The following FOXC1 variants were observed in gnomAD, a reference collection of about 807,000 sequenced individuals.
FOXC1 encodes forkhead box C1.
In FOXC1, 5 loss-of-function variants were observed where a neutral mutation model predicts 8.1. The observed-to-expected ratio is 0.62, with a 90% CI of 0.32 to 1.30. FOXC1 has a LOEUF of 1.30. Among genes scored for constraint, FOXC1 ranks in the 50% most tolerant of loss-of-function variants. The pLI is 0.05. For missense variants in FOXC1, 942 were observed against 858.0 expected, an observed-to-expected ratio of 1.10 and a Z score of -1.22; for synonymous variants, 552 against 417.2, an observed-to-expected ratio of 1.32 and a Z score of -3.94.
rs985824070 is a variant in FOXC1, at chr6:1,611,804, C to T, written c.1359C>T (p.Gly453=). 6 of 1,458,732 alleles carry T rather than the reference C, an allele frequency of 4.1e-6. No homozygotes were observed. The highest frequency in any genetic ancestry group is 3.0e-5 in the African/African-American group (2 of 67,422). The allele number at this position is 1,458,732 out of a possible 1,614,324, so 90.4% of individuals were successfully genotyped here. A position where few individuals can be genotyped will look rare whatever the true frequency, so the allele number is the denominator to read the frequency against. Reference sequence around the variant, plus strand: ...GTCACGGCGGCGGCGGCGGCGGCGGCGGGGGAGGCCAGGAGGCCGGCCACC... The same window carrying T: ...GTCACGGCGGCGGCGGCGGCGGCGGTGGGGGAGGCCAGGAGGCCGGCCACC... ...SLSHGGGGGG[G]GGGQEAGHHP... is the part of the protein sequence containing the mutation. Residue 453 remains glycine (G), a synonymous_variant, in exon 1 of 1, where the codon GGC becomes GGT. Coordinates refer to ENST00000645831, the MANE Select transcript of FOXC1 (RefSeq NM_001453.3). This position sits in a 1 kb window ranked among gnomAD's most constrained non-coding sequence, Gnocchi z 7.1.
At position 1,612,273 on chromosome 6, in the gene FOXC1, C is replaced by T. The variant is rs1156876480; in HGVS notation, c.*166C>T. 1 of 1,027,224 alleles carries T rather than the reference C, an allele frequency of 9.7e-7. No homozygotes were observed. The highest frequency in any genetic ancestry group is 1.4e-6 in the Non-Finnish European group (1 of 699,384). 63.6% of individuals were successfully genotyped at this position (1,027,224 alleles called of 1,614,324 possible). On this transcript the variant is annotated 3_prime_UTR_variant, in exon 1 of 1. Transcript: ENST00000645831. The stretch of plus-strand genomic sequence containing the variant: ...TCCCTCCAAAAATTCAGCTCACCAG[C>T]ACCAGCACGAAGAAAACTCTATTTT...
In FOXC1 at chr6:1,611,448, T is replaced by G. The variant is rs777196009; in HGVS notation, c.1003T>G (p.Ser335Ala). Residue 335 changes from serine (S) to alanine (A), a missense_variant, in exon 1 of 1, where the codon TCG (serine) becomes GCG (alanine). Transcript: ENST00000645831. The surrounding 1 kb of genome is among the most constrained non-coding windows in gnomAD (Gnocchi z 7.1). ...AAELSSGLLA[S>A]AAASSRAGIA... ...GGAGCTCAGCTCCGGCCTTCTGGCC[T>G]CGGCGGCCGCGTCCTCGCGCGCGGG... The G allele has an allele frequency of 4.3e-6, 6 of 1,388,470 alleles. No homozygotes were observed. The highest frequency in any genetic ancestry group is 5.6e-6 in the Non-Finnish European group (6 of 1,070,958). 86.0% of individuals were successfully genotyped at this position (1,388,470 alleles called of 1,614,324 possible).
Position 1,611,906 on chromosome 6 carries a change from C to CGCGGCG in FOXC1, c.1476_1481dup (p.Ala494_Ala495dup), listed in dbSNP as rs747574884. 1.8e-5 allele frequency: 27 copies of CGCGGCG among 1,536,662 alleles called. No homozygotes were observed. Among genetic ancestry groups the CGCGGCG allele is most frequent in the South Asian group, 4.8e-5 (4 of 83,546 alleles). The stretch of plus-strand genomic sequence containing the variant: ...GCGGAGACCTGGGCCACTTGGCGAG[C>CGCGGCG]GCGGCGGCGGCGGCGGCGGCCGCAG... On this transcript the variant is annotated inframe_insertion, in exon 1 of 1. Coordinates refer to ENST00000645831, the MANE Select transcript of FOXC1 (RefSeq NM_001453.3). The surrounding 1 kb of genome is among the most constrained non-coding windows in gnomAD (Gnocchi z 7.1).
chr6:1,612,164 C>T lies in FOXC1; in HGVS notation c.*57C>T, dbSNP rs534974179. On this transcript the variant is annotated 3_prime_UTR_variant, in exon 1 of 1. Coordinates refer to ENST00000645831, the MANE Select transcript of FOXC1 (RefSeq NM_001453.3). ...CAAAGCAGGAAAAGCTAAAGGAACC[C>T]ATCAAGGCAAAATCGAAACTAAAAA... 3.1e-6 allele frequency: 5 copies of T among 1,610,168 alleles called. No homozygotes were observed. In the East Asian group the frequency reaches 8.9e-5, roughly 29 times the overall value.
rs201266312 is a variant in FOXC1, at chr6:1,612,044, C to T, written c.1599C>T (p.Phe533=). The change falls in exon 1 of 1, where the codon TTC becomes TTT. Residue 533 remains phenylalanine (F), a synonymous_variant. Transcript: ENST00000645831. Reference sequence around the variant, plus strand: ...GGAATAGTAGCTGTCAAATGGCCTTCCCTTCCAGCCAGTCTCTGTACCGCA... The same window carrying T: ...GGAATAGTAGCTGTCAAATGGCCTTTCCTTCCAGCCAGTCTCTGTACCGCA... ...VNGNSSCQMA[F]PSSQSLYRTS... is the part of the protein sequence containing the mutation. 6 of 1,613,848 alleles carry T rather than the reference C, an allele frequency of 3.7e-6. No individual in the cohort carries two copies. The highest frequency in any genetic ancestry group is 4.5e-5 in the East Asian group (2 of 44,882).
Position 1,612,417 on chromosome 6 carries a change from TA to T in FOXC1, c.*312del. ...TATTAAAGGACAGTGTTACTCCAGATAACACGTAAGTTTCTTCTTGCTTTTC... is the reference window on the plus strand; with the variant it reads ...TATTAAAGGACAGTGTTACTCCAGATACACGTAAGTTTCTTCTTGCTTTTC... On this transcript the variant is annotated 3_prime_UTR_variant, in exon 1 of 1. Transcript: ENST00000645831. 2.0e-6 allele frequency: 1 copy of T among 504,206 alleles called. No individual in the cohort carries two copies. The highest frequency in any genetic ancestry group is 5.4e-4 in the Middle Eastern group (1 of 1,848). The allele number at this position is 504,206 out of a possible 1,614,324, so 31.2% of individuals were successfully genotyped here.
Position 1,609,919 on chromosome 6 carries a change from A to G in FOXC1, c.-527A>G, listed in dbSNP as rs1357535457. 6.6e-6 allele frequency: 1 copy of G among 151,634 alleles called. No individual in the cohort carries two copies. Among genetic ancestry groups the G allele is most frequent in the African/African-American group, 2.4e-5 (1 of 41,280 alleles). The allele number at this position is 151,634 out of a possible 1,614,324, so 9.4% of individuals were successfully genotyped here. On this transcript the variant is annotated 5_prime_UTR_variant, in exon 1 of 1. Coordinates refer to ENST00000645831, the MANE Select transcript of FOXC1 (RefSeq NM_001453.3). ...GTCCTCGCCTGGGTGACGGATGCTC[A>G]AAAGTTCAGAAGTTTTCCCAATGCT...
Position 1,611,915 on chromosome 6 carries a change from G to A in FOXC1, c.1470G>A (p.Ala490=). The A allele has an allele frequency of 6.4e-7, 1 of 1,553,806 alleles. No individual in the cohort carries two copies. The highest frequency in any genetic ancestry group is 2.4e-5 in the East Asian group (1 of 41,228). ...GDLGHLASAA[A]AAAAAGYPGQ... ...TGGGCCACTTGGCGAGCGCGGCGGC[G>A]GCGGCGGCGGCCGCAGGCTACCCGG... is the stretch of plus-strand genomic sequence containing the variant. Residue 490 remains alanine (A), a synonymous_variant, in exon 1 of 1, where the codon GCG becomes GCA. Coordinates refer to ENST00000645831, the MANE Select transcript of FOXC1 (RefSeq NM_001453.3). This position sits in a 1 kb window ranked among gnomAD's most constrained non-coding sequence, Gnocchi z 7.1.
rs1561676011 is a variant in FOXC1, at chr6:1,611,795, C to CGGG, written c.1352_1353insGGG (p.Gly456dup). 6.8e-7 allele frequency: 1 copy of CGGG among 1,464,918 alleles called. No homozygotes were observed. Among genetic ancestry groups the CGGG allele is most frequent in the Non-Finnish European group, 9.0e-7 (1 of 1,112,732 alleles). The allele number at this position is 1,464,918 out of a possible 1,614,324, so 90.7% of individuals were successfully genotyped here. On this transcript the variant is annotated inframe_insertion, in exon 1 of 1. Coordinates refer to ENST00000645831, the MANE Select transcript of FOXC1 (RefSeq NM_001453.3). The surrounding 1 kb of genome is among the most constrained non-coding windows in gnomAD (Gnocchi z 7.1). Reference sequence around the variant, plus strand: ...CGTCCCTGAGTCACGGCGGCGGCGGCGGCGGCGGCGGGGGAGGCCAGGAGG... The same window carrying CGGG: ...CGTCCCTGAGTCACGGCGGCGGCGGCGGGGGCGGCGGCGGGGGAGGCCAGGAGG...
At position 1,611,160 on chromosome 6, in the gene FOXC1, C is replaced by G. The variant is rs760782734; in HGVS notation, c.715C>G (p.Pro239Ala). Residue 239 changes from proline to alanine, a missense_variant, in exon 1 of 1, where the codon CCC (proline) becomes GCC (alanine). This residue lies in a region of FOXC1 where 726 missense variants were observed against 599.6 expected (regional missense o/e 1.21). Coordinates refer to ENST00000645831, the MANE Select transcript of FOXC1 (RefSeq NM_001453.3). The surrounding 1 kb of genome is among the most constrained non-coding windows in gnomAD (Gnocchi z 7.1). ...ENGTCPSPPQ[P>A]LSPAAALGSG... Reference sequence around the variant, plus strand: ...CGGTACGTGCCCCTCGCCGCCCCAGCCCCTGTCCCCGGCCGCCGCCCTGGG... The same window carrying G: ...CGGTACGTGCCCCTCGCCGCCCCAGGCCCTGTCCCCGGCCGCCGCCCTGGG... 2.1e-6 allele frequency: 3 copies of G among 1,453,378 alleles called. No homozygotes were observed. The highest frequency in any genetic ancestry group is 2.6e-5 in the South Asian group (2 of 77,414). 90.0% of individuals were successfully genotyped at this position (1,453,378 alleles called of 1,614,324 possible).
In FOXC1 at chr6:1,611,981, G is replaced by C; in HGVS notation, c.1536G>C (p.Glu512Asp). ...QNFHSVREMFESQRIGLNNSP... is the reference protein window; with the variant it reads ...QNFHSVREMFDSQRIGLNNSP... ...TCCACTCGGTGCGGGAGATGTTCGA[G>C]TCACAGAGGATCGGCTTGAACAACT... The change falls in exon 1 of 1, where the codon GAG becomes GAC. Residue 512 changes from glutamate to aspartate, a missense_variant. This residue lies in a region of FOXC1 where 726 missense variants were observed against 599.6 expected (regional missense o/e 1.21). Transcript: ENST00000645831. The surrounding 1 kb of genome is among the most constrained non-coding windows in gnomAD (Gnocchi z 7.1). The C allele has an allele frequency of 6.2e-7, 1 of 1,611,924 alleles. No homozygotes were observed. Among genetic ancestry groups the C allele is most frequent in the Non-Finnish European group, 8.5e-7 (1 of 1,179,302 alleles).
Position 1,613,875 on chromosome 6 carries a change from T to G in FOXC1, c.*1768T>G. The G allele has an allele frequency of 5.0e-6, 1 of 199,032 alleles. No individual in the cohort carries two copies. Among genetic ancestry groups the G allele is most frequent in the Non-Finnish European group, 1.2e-5 (1 of 86,938 alleles). The allele number at this position is 199,032 out of a possible 1,614,324, so 12.3% of individuals were successfully genotyped here. A position where few individuals can be genotyped will look rare whatever the true frequency, so the allele number is the denominator to read the frequency against. On this transcript the variant is annotated 3_prime_UTR_variant, in exon 1 of 1. Coordinates refer to ENST00000645831, the MANE Select transcript of FOXC1 (RefSeq NM_001453.3). Reference sequence around the variant, plus strand: ...TTGTTAAAGGATTGCTGCAAATAAATACACTTTAATTTCAGTCAAAAACTG... The same window carrying G: ...TTGTTAAAGGATTGCTGCAAATAAAGACACTTTAATTTCAGTCAAAAACTG...
At position 1,612,011 on chromosome 6, in the gene FOXC1, A is replaced by G. The variant is rs762759982; in HGVS notation, c.1566A>G (p.Pro522=). 1.5e-5 allele frequency: 24 copies of G among 1,611,854 alleles called. No individual in the cohort carries two copies. The highest frequency in any genetic ancestry group is 1.9e-5 in the Non-Finnish European group (22 of 1,179,552). The change falls in exon 1 of 1, where the codon CCA becomes CCG. Residue 522 remains proline (P), a synonymous_variant. Transcript: ENST00000645831. ...AGAGGATCGGCTTGAACAACTCTCC[A>G]GTGAACGGGAATAGTAGCTGTCAAA... ...ESQRIGLNNS[P]VNGNSSCQMA...
rs1038444290 is a variant in FOXC1 at position 1,612,917 on chromosome 6, A to G, written c.*810A>G. On this transcript the variant is annotated 3_prime_UTR_variant, in exon 1 of 1. Transcript: ENST00000645831. Reference sequence around the variant, plus strand: ...ACTAGAAGTTACCTATTCTCCACCTAAATCTCTGAAAAATGGAGAAACCCT... The same window carrying G: ...ACTAGAAGTTACCTATTCTCCACCTGAATCTCTGAAAAATGGAGAAACCCT... 1 of 219,904 alleles carries G rather than the reference A, an allele frequency of 4.5e-6. No individual in the cohort carries two copies. The allele number at this position is 219,904 out of a possible 1,614,324, so 13.6% of individuals were successfully genotyped here.
chr6:1,612,288 A>G lies in FOXC1; in HGVS notation c.*181A>G, dbSNP rs1381038207. The G allele has an allele frequency of 3.3e-6, 3 of 917,974 alleles. No homozygotes were observed. Among genetic ancestry groups the G allele is most frequent in the Non-Finnish European group, 5.0e-6 (3 of 604,092 alleles). The allele number at this position is 917,974 out of a possible 1,614,324, so 56.9% of individuals were successfully genotyped here. On this transcript the variant is annotated 3_prime_UTR_variant, in exon 1 of 1. Coordinates refer to ENST00000645831, the MANE Select transcript of FOXC1 (RefSeq NM_001453.3). ...AGCTCACCAGCACCAGCACGAAGAA[A>G]ACTCTATTTTCTTAACCGATTAATT...
rs1255317409 is a variant in FOXC1, at chr6:1,610,496, C to G, written c.51C>G (p.Pro17=). The part of the protein sequence containing the change: ...VSSPNSLGVV[P]YLGGEQSYYR... Reference sequence around the variant, plus strand: ...GCCCCAACTCCCTGGGAGTGGTGCCCTACCTCGGCGGCGAGCAGAGCTACT... The same window carrying G: ...GCCCCAACTCCCTGGGAGTGGTGCCGTACCTCGGCGGCGAGCAGAGCTACT... Residue 17 remains proline (P), a synonymous_variant, in exon 1 of 1, where the codon CCC becomes CCG. Coordinates refer to ENST00000645831, the MANE Select transcript of FOXC1 (RefSeq NM_001453.3). 2 of 1,503,750 alleles carry G rather than the reference C, an allele frequency of 1.3e-6. No homozygotes were observed. The highest frequency in any genetic ancestry group is 1.8e-6 in the Non-Finnish European group (2 of 1,128,034). 93.2% of individuals were successfully genotyped at this position (1,503,750 alleles called of 1,614,324 possible).
chr6:1,611,341 C>A lies in FOXC1; in HGVS notation c.896C>A (p.Ala299Asp). 1 of 1,422,400 alleles carries A rather than the reference C, an allele frequency of 7.0e-7. No homozygotes were observed. The highest frequency in any genetic ancestry group is 9.2e-7 in the Non-Finnish European group (1 of 1,086,656). 88.1% of individuals were successfully genotyped at this position (1,422,400 alleles called of 1,614,324 possible). Residue 299 changes from alanine (A) to aspartate (D), a missense_variant, in exon 1 of 1, where the codon GCC becomes GAC. Ala to Asp is a moderately radical substitution (Grantham distance 126). Coordinates refer to ENST00000645831, the MANE Select transcript of FOXC1 (RefSeq NM_001453.3). This position sits in a 1 kb window ranked among gnomAD's most constrained non-coding sequence, Gnocchi z 7.1. The part of the protein sequence containing the change: ...DSAPPPPAPS[A>D]PPPHHSQGFS... ...GCGCCGCCGCCGCCCGCGCCCTCCG[C>A]CCCGCCGCCGCACCATAGCCAGGGC...
Position 1,612,083 on chromosome 6 carries a change from C to T in FOXC1, c.1638C>T (p.Phe546=), listed in dbSNP as rs1327937746. Residue 546 remains phenylalanine (F), a synonymous_variant, in exon 1 of 1, where the codon TTC becomes TTT. Coordinates refer to ENST00000645831, the MANE Select transcript of FOXC1 (RefSeq NM_001453.3). Reference sequence around the variant, plus strand: ...CTCTGTACCGCACGTCCGGAGCTTTCGTCTACGACTGTAGCAAGTTTTGAC... The same window carrying T: ...CTCTGTACCGCACGTCCGGAGCTTTTGTCTACGACTGTAGCAAGTTTTGAC... ...SQSLYRTSGA[F]VYDCSKF is the part of the protein sequence containing the mutation. 3.1e-6 allele frequency: 5 copies of T among 1,613,910 alleles called. No individual in the cohort carries two copies. Among genetic ancestry groups the T allele is most frequent in the African/African-American group, 2.7e-5 (2 of 74,884 alleles).
chr6:1,611,147 C>A lies in FOXC1; in HGVS notation c.702C>A (p.Pro234=). 1 of 1,440,770 alleles carries A rather than the reference C, an allele frequency of 6.9e-7. No homozygotes were observed. Among genetic ancestry groups the A allele is most frequent in the African/African-American group, 1.5e-5 (1 of 67,064 alleles). The allele number at this position is 1,440,770 out of a possible 1,614,324, so 89.2% of individuals were successfully genotyped here. A position where few individuals can be genotyped will look rare whatever the true frequency, so the allele number is the denominator to read the frequency against. The change falls in exon 1 of 1, where the codon CCC becomes CCA. Residue 234 remains proline (P), a synonymous_variant. Coordinates refer to ENST00000645831, the MANE Select transcript of FOXC1 (RefSeq NM_001453.3). The surrounding 1 kb of genome is among the most constrained non-coding windows in gnomAD (Gnocchi z 7.1). ...QDIKTENGTC[P]SPPQPLSPAA... is the part of the protein sequence containing the mutation. ...TCAAGACCGAGAACGGTACGTGCCC[C>A]TCGCCGCCCCAGCCCCTGTCCCCGG... is the stretch of plus-strand genomic sequence containing the variant.
Sources: allele counts gnomAD v4.1 joint callset, GRCh38; gene constraint gnomAD v4.1.1; regional missense constraint gnomAD v4.1.1; non-coding constraint Gnocchi (gnomAD v3.1); transcripts MANE v1.5; gene names NCBI Gene and HGNC (gene_info 2026-07-23, HGNC 2026-07-21).